The following TMEM116 variants were observed in gnomAD, a reference collection of about 807,000 sequenced individuals.
TMEM116 encodes transmembrane protein 116.
A neutral mutation model predicts 44.3 loss-of-function variants in TMEM116; 38 were observed. That is an observed-to-expected ratio of 0.86 (90% confidence interval 0.66 to 1.12). The LOEUF is 1.12. Among genes scored for constraint, TMEM116 ranks in the 50% most tolerant of loss-of-function variants. The pLI, the probability that TMEM116 is intolerant of heterozygous loss-of-function variation, is 0.00. For synonymous variants in TMEM116, 132 were observed against 144.8 expected (o/e 0.91, Z 0.64); for missense variants, 354 against 401.7 (o/e 0.88, Z 1.01).
In TMEM116 at chr12:111,975,877, T is replaced by C. The variant is rs114869883; in HGVS notation, c.210+15881A>G. ...AAAATAAATGCTTAAGATTTAATTA[T>C]AAGATTATAGAATGCTTCCCCTCTC... is the stretch of plus-strand genomic sequence containing the variant. On this transcript the variant is annotated intron_variant, in intron 4 of 10. Coordinates refer to ENST00000552374, the MANE Select transcript of TMEM116 (RefSeq NM_001193531.2). 2.5e-3 allele frequency among the ~76,000 whole-genome samples: 383 copies of C among 152,300 alleles called. 6 individuals carry two copies. The highest frequency in any genetic ancestry group is 9.0e-3 in the African/African-American group (374 of 41,572).
intron 1 of TMEM116, chr12:112,012,776 T>A (rs1176289250): frequency 6.6e-6 from 1 of 152,472 alleles, no homozygotes; most frequent in Non-Finnish European, 1.5e-5. Context: ...TAGAATTGCG[T>A]CTGGGGTTCC....
chr12:112,011,728 T>A (rs550613808), intron 1 of TMEM116: 5 of 152,388 alleles, frequency 3.3e-5, no homozygotes, highest in African/African-American at 1.2e-4. Context: ...TGAGACAGTC[T>A]TCTCTGTTGC....
At chr12:112,010,248 C>T (rs1374327576) in intron 1 of TMEM116, among the ~76,000 whole-genome samples, 1 of 152,140 alleles carries the variant, frequency 6.6e-6, no homozygotes, top group Non-Finnish European at 1.5e-5. Context: ...CTTGTTTCAC[C>T]ACCTCAGTTC....
At chr12:112,008,585 T>C (rs369677026) in intron 1 of TMEM116, among the ~76,000 whole-genome samples, 8 of 152,282 alleles carry the variant, frequency 5.3e-5, no homozygotes, top group African/African-American at 1.9e-4. Context: ...TTCATAAAAT[T>C]GCTATCATGA....
chr12:111,933,928 C>A lies in TMEM116; in HGVS notation c.691G>T (p.Val231Leu). The A allele has an allele frequency of 4.3e-6, 7 of 1,614,174 alleles. No individual in the cohort carries two copies. The highest frequency in any genetic ancestry group is 5.9e-6 in the Non-Finnish European group (7 of 1,180,034). ...AAGAAGGCCACTGGGTAGAAGCGCA[C>A]CCGTTGGTCCACAATGTGAATCACT... ...WAVIHIVDQR[V>L]RFYPVAFFCC... The change falls in exon 9 of 11, where the codon GTG (valine) becomes TTG (leucine). Residue 231 changes from valine to leucine, a missense_variant. Coordinates refer to ENST00000552374, the MANE Select transcript of TMEM116 (RefSeq NM_001193531.2).
At chr12:111,936,930 A>G in intron 7 of TMEM116, 100 bp from the exon 8 acceptor site, 1 of 1,346,700 alleles carries the variant, frequency 7.4e-7, no homozygotes, top group East Asian at 2.4e-5. Flanking sequence ...TCATTTTGCT[A>G]ACTCTTGCTC....
chr12:112,012,289 C>CT (rs1286276487), intron 1 of TMEM116: 14 of 151,650 alleles, frequency 9.2e-5, no homozygotes, highest in East Asian at 7.7e-4. Flanking sequence ...AAAATACGGT[C>CT]TTTTTTTTTC....
chr12:112,009,782 G>T (rs1056579449), intron 1 of TMEM116, among the ~76,000 whole-genome samples: 1 of 151,270 alleles, frequency 6.6e-6, no homozygotes, highest in Non-Finnish European at 1.5e-5. Context: ...GGAGGTGGAG[G>T]TTGCAGTGAG....
At chr12:111,934,222 G>T in intron 8 of TMEM116, 192 bp from the exon 9 acceptor site, 2 of 628,944 alleles carry the variant, frequency 3.2e-6, no homozygotes, top group South Asian at 2.2e-5. Context: ...CTTTTACTAG[G>T]CTAGGGAAAT....
chr12:111,968,898 CAG>C (rs1386878555), intron 4 of TMEM116, among the ~76,000 whole-genome samples: 1 of 142,090 alleles, frequency 7.0e-6, no homozygotes, highest in African/African-American at 2.6e-5. Flanking sequence ...GAGACTGAGA[CAG>C]GAGAATCGCT....
chr12:111,972,746 G>A (rs977108444), intron 4 of TMEM116, among the ~76,000 whole-genome samples: 1 of 152,196 alleles, frequency 6.6e-6, no homozygotes, highest in African/African-American at 2.4e-5. Context: ...AGGTGTGGTG[G>A]CGTGTGCCTA....
At chr12:112,010,929 C>A (rs2077810053) in intron 1 of TMEM116, 2 of 152,284 alleles carry the variant, frequency 1.3e-5, no homozygotes, top group Admixed American at 6.5e-5. Flanking sequence ...CCCCTGTCTT[C>A]AGGCCCTCCC....
chr12:111,965,607 A>G, intron 4 of TMEM116: 1 of 212,754 alleles, frequency 4.7e-6, no homozygotes, highest in Non-Finnish European at 9.8e-6. Context: ...ACTGGGTGCA[A>G]AGGTGAAAAT....
In TMEM116 at chr12:111,932,649, T is replaced by C; in HGVS notation, c.744A>G (p.Leu248=). Residue 248 remains leucine (L), a synonymous_variant, in exon 10 of 11, where the codon CTA becomes CTG. Coordinates refer to ENST00000552374, the MANE Select transcript of TMEM116 (RefSeq NM_001193531.2). The part of the protein sequence containing the change: ...FFCCWGPAVI[L]MIIKLTKPQD... ...GTGGCTTAGTCAGCTTTATGATCATTAGAATGACAGCTGTGAATACACAAA... is the reference window on the plus strand; with the variant it reads ...GTGGCTTAGTCAGCTTTATGATCATCAGAATGACAGCTGTGAATACACAAA... The C allele has an allele frequency of 5.0e-6, 8 of 1,614,006 alleles. No individual in the cohort carries two copies. The highest frequency in any genetic ancestry group is 5.9e-6 in the Non-Finnish European group (7 of 1,179,846).
chr12:111,970,424 G>T (rs2075267072), intron 4 of TMEM116, among the ~76,000 whole-genome samples: 1 of 152,072 alleles, frequency 6.6e-6, no homozygotes, highest in Non-Finnish European at 1.5e-5. Flanking sequence ...CAGTTTAGGT[G>T]GTAGGAATGA....
At chr12:111,941,150 G>A (rs1275934060) in intron 5 of TMEM116, among the ~76,000 whole-genome samples, 4 of 152,112 alleles carry the variant, frequency 2.6e-5, no homozygotes, top group African/African-American at 7.2e-5. Context: ...GGCTGAGGAA[G>A]GCAAATCACG....
At chr12:112,001,664 C>T (rs149402146) in intron 3 of TMEM116, among the ~76,000 whole-genome samples, 3 of 152,322 alleles carry the variant, frequency 2.0e-5, no homozygotes, top group Admixed American at 2.0e-4. Context: ...TTAGCTCTCT[C>T]TGTGTGTAAG....
chr12:111,942,234 G>T (rs574875151), intron 5 of TMEM116, among the ~76,000 whole-genome samples: 2 of 151,626 alleles, frequency 1.3e-5, no homozygotes, highest in Admixed American at 1.3e-4. Flanking sequence ...CACCACGCCC[G>T]GCTAACACTT....
chr12:111,962,000 A>C (rs1445272465), intron 4 of TMEM116, among the ~76,000 whole-genome samples: 1 of 152,258 alleles, frequency 6.6e-6, no homozygotes, highest in Non-Finnish European at 1.5e-5. Flanking sequence ...ATGTGCAAAA[A>C]TCACAAGCAT....
Sources: gnomAD v4.1 joint callset for allele counts (sites outside exome capture counted in the v4.1 genomes callset) on GRCh38, gnomAD v4.1.1 for gene constraint, MANE v1.5 for transcripts, NCBI Gene and HGNC (gene_info 2026-07-23, HGNC 2026-07-21) for gene names.